Variants in TMEM176A observed in about 807,000 individuals in gnomAD.
TMEM176A encodes hepatocellular carcinoma-associated antigen 112.
TMEM176A carries 20 observed loss-of-function variants against 27.9 expected under a neutral mutation model. That is an observed-to-expected ratio of 0.72 (90% CI 0.50 to 1.04). The LOEUF is 1.04. Among genes scored for constraint, TMEM176A ranks in the 50% least tolerant of loss-of-function variants. TMEM176A has a pLI of 0.00. For missense variants in TMEM176A, 252 were observed against 289.1 expected (o/e 0.87, Z 0.93); for synonymous variants, 125 against 118.0 (o/e 1.06, Z -0.38).
intron 3 of TMEM176A, chr7:150,802,823 T>C (rs1029655309): frequency 9.1e-6 from 9 of 989,952 alleles, no homozygotes; most frequent in Non-Finnish European, 1.1e-5. Flanking sequence ...AGAATAGCAC[T>C]AAAACACTCA....
At chr7:150,804,776 T>G in intron 6 of TMEM176A, 51 bp from the exon 7 acceptor site, 1 of 1,587,456 alleles carries the variant, frequency 6.3e-7, no homozygotes, top group South Asian at 1.1e-5. Flanking sequence ...GAGGAGAGAC[T>G]CCGCCCTTTC....
chr7:150,804,303 G>A, intron 5 of TMEM176A, 59 bp from the exon 6 acceptor site: 4 of 1,375,196 alleles, frequency 2.9e-6, no homozygotes, highest in African/African-American at 1.4e-5. Context: ...GGAGCATGGG[G>A]ACAGAGCAGG....
chr7:150,801,397 C>A, intron 1 of TMEM176A, 139 bp from the exon 2 acceptor site: 1 of 794,496 alleles, frequency 1.3e-6, no homozygotes, highest in Non-Finnish European at 2.0e-6. Context: ...CGTGAGGGGC[C>A]AGGGGTGCGG....
chr7:150,801,854 T>G, intron 2 of TMEM176A, 130 bp downstream of exon 2: 2 of 958,012 alleles, frequency 2.1e-6, no homozygotes, highest in South Asian at 1.7e-5. Flanking sequence ...AGCGATGTGA[T>G]TCTCTGGCCT....
chr7:150,802,150 A>G, intron 2 of TMEM176A, 65 bp from the exon 3 acceptor site: 1 of 1,288,442 alleles, frequency 7.8e-7, no homozygotes, highest in Non-Finnish European at 1.1e-6. Context: ...TTGGGGTTTT[A>G]GCGGTTAATC....
chr7:150,801,754 G>A, intron 2 of TMEM176A, 30 bp downstream of exon 2: 1 of 1,467,802 alleles, frequency 6.8e-7, no homozygotes, highest in South Asian at 1.4e-5. Flanking sequence ...TCGTCGGGCG[G>A]CGGGAGGAAC....
At chr7:150,802,136 C>A in intron 2 of TMEM176A, 79 bp from the exon 3 acceptor site, 1 of 1,060,794 alleles carries the variant, frequency 9.4e-7, no homozygotes, top group Non-Finnish European at 1.5e-6. Context: ...CTCTCCCTCT[C>A]TTTTTGGGGT....
chr7:150,801,891 GC>G, intron 2 of TMEM176A, 167 bp downstream of exon 2: 2 of 761,480 alleles, frequency 2.6e-6, no homozygotes, highest in South Asian at 3.8e-5. Context: ...GGGAGGGGAG[GC>G]TCTGGGCTGA....
intron 2 of TMEM176A, 146 bp downstream of exon 2, chr7:150,801,870 G>A (rs1305156079): frequency 5.6e-6 from 5 of 888,430 alleles, no homozygotes; most frequent in Non-Finnish European, 8.3e-6. Flanking sequence ...GGCCTTCTCA[G>A]TAAGAGCCTG....
intron 3 of TMEM176A, 155 bp downstream of exon 3, chr7:150,802,480 T>TGAGG: frequency 1.3e-6 from 1 of 747,922 alleles, no homozygotes; most frequent in Non-Finnish European, 2.2e-6. Context: ...AGCAAACAGC[T>TGAGG]GAGGGCGGTG....
chr7:150,802,558 T>C (rs2373853), intron 3 of TMEM176A: 473,648 of 699,364 alleles, frequency 0.68, 161,845 homozygotes, highest in East Asian at 0.82. Flanking sequence ...CCAGGCTGGC[T>C]GCCTCTCCCT....
At position 150,804,993 on chromosome 7, in the gene TMEM176A, T is replaced by A. The variant is rs1343874641; in HGVS notation, c.*125T>A. ...AACAGCCCCAGTTATCCTGGCCCCA[T>A]GACCGTGGCCACAGCCCTGCTCCAG... On this transcript the variant is annotated 3_prime_UTR_variant, in exon 7 of 7. Coordinates refer to ENST00000004103, the MANE Select transcript of TMEM176A (RefSeq NM_018487.3). 2 of 1,020,544 alleles carry A rather than the reference T, an allele frequency of 2.0e-6. No individual in the cohort carries two copies. Among genetic ancestry groups the A allele is most frequent in the East Asian group, 2.4e-5 (1 of 42,050 alleles). 63.2% of individuals were successfully genotyped at this position (1,020,544 alleles called of 1,614,324 possible). A position where few individuals can be genotyped will look rare whatever the true frequency, so the allele number is the denominator to read the frequency against.
chr7:150,804,460 CCCAA>C lies in TMEM176A; in HGVS notation c.659_662del (p.Thr220LysfsTer12), dbSNP rs1387199988. 4 of 1,613,748 alleles carry C rather than the reference CCCAA, an allele frequency of 2.5e-6. No individual in the cohort carries two copies. In the African/African-American group the frequency reaches 5.3e-5, roughly 22 times the overall value. ...TGTGGCTGTACTGCTGGAGAATGTT[CCCAA>C]CCAAAGGGGTGAGTCCCTAAGGTGT... On this transcript the variant is annotated frameshift_variant, in exon 6 of 7. Transcript: ENST00000004103. LOFTEE classifies it high-confidence loss of function.
chr7:150,801,328 C>T (rs1798776091), intron 1 of TMEM176A: 1 of 507,964 alleles, frequency 2.0e-6, no homozygotes, highest in East Asian at 3.3e-5. Flanking sequence ...TTCCCGCAGG[C>T]TCTGTAGTCG....
At chr7:150,801,937 C>T (rs1388404584) in intron 2 of TMEM176A, 2 of 631,424 alleles carry the variant, frequency 3.2e-6, no homozygotes, top group East Asian at 5.5e-5. Context: ...ATGCAGAGTC[C>T]CAATCAGTGG....
intron 6 of TMEM176A, 75 bp downstream of exon 6, chr7:150,804,547 C>G: frequency 7.6e-7 from 1 of 1,321,928 alleles, no homozygotes; most frequent in Non-Finnish European, 1.1e-6. Context: ...GGACAGTGGA[C>G]AGTTTGGGGA....
Position 150,804,987 on chromosome 7 carries a change from G to GC in TMEM176A, c.*123dup, listed in dbSNP as rs141291646. 1.9e-3 allele frequency: 2,085 copies of GC among 1,098,186 alleles called. 39 individuals are homozygous for GC. The South Asian group carries it at 0.022, about 11-fold the overall frequency. The allele number at this position is 1,098,186 out of a possible 1,614,324, so 68.0% of individuals were successfully genotyped here. A position where few individuals can be genotyped will look rare whatever the true frequency, so the allele number is the denominator to read the frequency against. On this transcript the variant is annotated 3_prime_UTR_variant, in exon 7 of 7. Coordinates refer to ENST00000004103, the MANE Select transcript of TMEM176A (RefSeq NM_018487.3). ...CTCTTCAACAGCCCCAGTTATCCTG[G>GC]CCCCATGACCGTGGCCACAGCCCTG...
intron 3 of TMEM176A, 81 bp downstream of exon 3, chr7:150,802,406 G>T: frequency 8.1e-7 from 1 of 1,229,108 alleles, no homozygotes. Context: ...CCAACATGGC[G>T]CCACAGAATG....
At position 150,804,863 on chromosome 7, in the gene TMEM176A, A is replaced by G. The variant is rs1195843739; in HGVS notation, c.703A>G (p.Ile235Val). The G allele has an allele frequency of 6.2e-7, 1 of 1,614,224 alleles. No homozygotes were observed. Among genetic ancestry groups the G allele is most frequent in the South Asian group, 1.1e-5 (1 of 91,086 alleles). ...DQKEMLEVSGI is the reference protein window; with the variant it reads ...DQKEMLEVSGV Reference sequence around the variant, plus strand: ...GAAGGAAATGTTGGAAGTGAGTGGAATCTAGCCATGCCTCTCCTGATTATT... The same window carrying G: ...GAAGGAAATGTTGGAAGTGAGTGGAGTCTAGCCATGCCTCTCCTGATTATT... The change falls in exon 7 of 7, where the codon ATC (isoleucine) becomes GTC (valine). Residue 235 changes from isoleucine to valine, a missense_variant. Ile to Val is a conservative substitution (Grantham distance 29). Transcript: ENST00000004103.
Sources: gnomAD v4.1 joint callset for allele counts on GRCh38, gnomAD v4.1.1 for gene constraint, MANE v1.5 for transcripts, NCBI Gene and HGNC (gene_info 2026-07-23, HGNC 2026-07-21) for gene names.